The following GALNT17 variants were observed in gnomAD, a reference collection of about 807,000 sequenced individuals.
GALNT17 encodes polypeptide N-acetylgalactosaminyltransferase 17, also known as UDP-GalNAc:polypeptide N-acetylgalactosaminyltransferase-like 3.
In GALNT17, 29 loss-of-function variants were observed where a neutral mutation model predicts 63.7. The ratio of observed to expected loss-of-function variants is 0.46; its 90% CI spans 0.34 to 0.62. The LOEUF is 0.62. Among genes scored for constraint, GALNT17 ranks in the 20% least tolerant of loss-of-function variants. The pLI, the probability that GALNT17 is intolerant of heterozygous loss-of-function variation, is 0.01. For synonymous variants in GALNT17, 305 were observed against 318.3 expected, an observed-to-expected ratio of 0.96 and a Z score of 0.45; for missense variants, 603 against 799.6, an observed-to-expected ratio of 0.75 and a Z score of 2.97.
chr7:71,543,483 G>A (rs1788927587), intron 5 of GALNT17, among the ~76,000 whole-genome samples: 1 of 152,196 alleles, frequency 6.6e-6, no homozygotes, highest in African/African-American at 2.4e-5. Flanking sequence ...GGAAAAGAGA[G>A]ATCTGGAAAG....
At chr7:71,420,866 G>A (rs191215830) in intron 4 of GALNT17, 42 bp from the exon 5 acceptor site, 28 of 1,605,624 alleles carry the variant, frequency 1.7e-5, no homozygotes, top group African/African-American at 4.0e-5. Context: ...TGTGCCTCAC[G>A]GGAGAGAAGA....
intron 5 of GALNT17, among the ~76,000 whole-genome samples, chr7:71,461,447 G>A (rs139752396): frequency 1.6e-4 from 24 of 152,190 alleles, no homozygotes; most frequent in African/African-American, 5.5e-4. Context: ...GACTTCTATG[G>A]GAAGTATTCT....
At chr7:71,200,903 ATTAC>A (rs568337206) in intron 1 of GALNT17, among the ~76,000 whole-genome samples, 61 of 152,144 alleles carry the variant, frequency 4.0e-4, no homozygotes, top group African/African-American at 1.3e-3. Context: ...CTTTAAAATA[ATTAC>A]TTACGTACAT....
At chr7:71,410,285 G>T (rs1360171338) in intron 3 of GALNT17, among the ~76,000 whole-genome samples, 4 of 142,786 alleles carry the variant, frequency 2.8e-5, no homozygotes, top group Admixed American at 7.1e-5. Flanking sequence ...TCACTCTATT[G>T]CCCAGGCTAT....
chr7:71,312,703 A>T (rs767427301), intron 1 of GALNT17, among the ~76,000 whole-genome samples: 3 of 152,166 alleles, frequency 2.0e-5, no homozygotes, highest in African/African-American at 7.2e-5. Context: ...GGTCCACTTA[A>T]TGAGCCTCAT....
intron 6 of GALNT17, among the ~76,000 whole-genome samples, chr7:71,658,718 T>C (rs1281224455): frequency 1.3e-5 from 2 of 151,892 alleles, no homozygotes; most frequent in African/African-American, 4.8e-5. Flanking sequence ...CAAAACCCCA[T>C]CTCTACTAAA....
intron 5 of GALNT17, among the ~76,000 whole-genome samples, chr7:71,548,064 C>A (rs1789015409): frequency 6.6e-6 from 1 of 151,642 alleles, no homozygotes; most frequent in South Asian, 2.1e-4. Context: ...CCTGTCTTTA[C>A]CAAAAATAAA....
intron 6 of GALNT17, among the ~76,000 whole-genome samples, chr7:71,594,522 TCAAGTGATCCGCC>T (rs1201167354): frequency 1.3e-5 from 2 of 152,100 alleles, no homozygotes; most frequent in African/African-American, 2.4e-5. Context: ...ACTCCTGAGC[TCAAGTGATCCGCC>T]CACCTCAGTC....
At position 71,438,195 on chromosome 7, in the gene GALNT17, G is replaced by C. The variant is rs949883952; in HGVS notation, c.962+17090G>C. Among the ~76,000 whole-genome samples the C allele has an allele frequency of 2.0e-5, 3 of 152,164 alleles. No individual in the cohort carries two copies. In the East Asian group the frequency reaches 5.8e-4, roughly 29 times the overall value. On this transcript the variant is annotated intron_variant, in intron 5 of 10. Transcript: ENST00000333538. ...AAGTATTAACTCACAAGATGACAAG[G>C]TCCCACAATAGGCTGTCTGCAAGCT...
intron 1 of GALNT17, among the ~76,000 whole-genome samples, chr7:71,230,157 T>C (rs934832404): frequency 1.2e-4 from 18 of 151,910 alleles, no homozygotes; most frequent in Non-Finnish European, 2.4e-4. Flanking sequence ...TCTGTGTGCC[T>C]CCCAACTCCC....
At chr7:71,178,463 T>C (rs558183205) in intron 1 of GALNT17, among the ~76,000 whole-genome samples, 124 of 152,170 alleles carry the variant, frequency 8.1e-4, no homozygotes, top group Non-Finnish European at 6.8e-4. Context: ...TAGGCCTATT[T>C]CTTCACGTCT....
chr7:71,328,384 T>C (rs1791740645), intron 1 of GALNT17, among the ~76,000 whole-genome samples: 1 of 152,190 alleles, frequency 6.6e-6, no homozygotes, highest in Non-Finnish European at 1.5e-5. Context: ...TTGCTGCTGC[T>C]TCTCCCCCTT....
intron 5 of GALNT17, among the ~76,000 whole-genome samples, chr7:71,458,897 C>T (rs1387326650): frequency 2.0e-5 from 3 of 151,974 alleles, no homozygotes; most frequent in Non-Finnish European, 4.4e-5. Context: ...GGGTAGGGGG[C>T]GTGGCGGGCC....
In GALNT17 at chr7:71,153,649, C is replaced by T. The variant is rs183407931; in HGVS notation, c.238+20609C>T. Among the ~76,000 whole-genome samples the T allele has an allele frequency of 3.3e-3, 501 of 152,196 alleles. 2 individuals are homozygous for T. Among genetic ancestry groups the T allele is most frequent in the African/African-American group, 0.011 (474 of 41,532 alleles). On this transcript the variant is annotated intron_variant, in intron 1 of 10. Coordinates refer to ENST00000333538, the MANE Select transcript of GALNT17 (RefSeq NM_022479.3). ...GTATCTACAGGCCAGGAGTCGTAAT[C>T]CCTGGCACGGTAATTCCAGCACTGT...
chr7:71,577,717 A>G (rs1183136325), intron 6 of GALNT17, among the ~76,000 whole-genome samples: 1 of 152,178 alleles, frequency 6.6e-6, no homozygotes, highest in East Asian at 1.9e-4. Context: ...GGTAAACATA[A>G]CATTCTTAAA....
In GALNT17 at chr7:71,514,683, ACT is replaced by A. The variant is rs146375586; in HGVS notation, c.963-56599_963-56598del. 1.6e-4 allele frequency among the ~76,000 whole-genome samples: 25 copies of A among 152,074 alleles called. No individual in the cohort carries two copies. In the East Asian group the frequency reaches 4.8e-3, roughly 29 times the overall value. ...TAATCTTAATTCCTTGCTCAGCCTG[ACT>A]CTGTCTCTAATGGCTTCATTTCTCT... On this transcript the variant is annotated intron_variant, in intron 5 of 10. Coordinates refer to ENST00000333538, the MANE Select transcript of GALNT17 (RefSeq NM_022479.3).
chr7:71,343,998 A>G (rs1792048909), intron 2 of GALNT17, among the ~76,000 whole-genome samples: 2 of 152,042 alleles, frequency 1.3e-5, no homozygotes, highest in Non-Finnish European at 2.9e-5. Context: ...CCAATCTGCC[A>G]GGCACTGTGC....
intron 2 of GALNT17, among the ~76,000 whole-genome samples, chr7:71,382,401 A>G (rs113977944): frequency 5.3e-4 from 81 of 152,246 alleles, no homozygotes; most frequent in African/African-American, 1.9e-3. Context: ...AAACAAAAAC[A>G]GAACAAAACA....
At chr7:71,378,601 A>G (rs1792787129) in intron 2 of GALNT17, among the ~76,000 whole-genome samples, 1 of 152,132 alleles carries the variant, frequency 6.6e-6, no homozygotes, top group South Asian at 2.1e-4. Flanking sequence ...ATCATAAGAG[A>G]AGCAGAGGGA....
Sources: gnomAD v4.1 joint callset for allele counts (sites outside exome capture counted in the v4.1 genomes callset) on GRCh38, gnomAD v4.1.1 for gene constraint, MANE v1.5 for transcripts, NCBI Gene and HGNC (gene_info 2026-07-23, HGNC 2026-07-21) for gene names.